The following SHISA9 variants were observed in gnomAD, a reference collection of about 807,000 sequenced individuals.
SHISA9 encodes the protein protein shisa-9.
In SHISA9, 13 loss-of-function variants were observed where a neutral mutation model predicts 38.0. The ratio of observed to expected loss-of-function variants is 0.34; its 90% CI spans 0.22 to 0.54. The LOEUF is 0.54. SHISA9 is among the 20% of genes least tolerant of loss of function. SHISA9 has a pLI of 0.91. For missense variants in SHISA9, 538 were observed against 575.8 expected, an observed-to-expected ratio of 0.93 and a Z score of 0.67; for synonymous variants, 275 against 242.0, an observed-to-expected ratio of 1.14 and a Z score of -1.27.
At chr16:13,476,831 C>T in the SHISA9 span, among the ~76,000 whole-genome samples, 1 of 144,010 alleles carries the variant, frequency 6.9e-6, no homozygotes, top group Non-Finnish European at 1.5e-5. Flanking sequence ...TCACTGCAAG[C>T]TCCGCCTCCC....
chr16:13,156,959 T>A (rs2050553140), intron 2 of SHISA9, among the ~76,000 whole-genome samples: 1 of 152,176 alleles, frequency 6.6e-6, no homozygotes, highest in African/African-American at 2.4e-5. Flanking sequence ...TTATATAGAA[T>A]GTATATAAAT....
intron 2 of SHISA9, among the ~76,000 whole-genome samples, chr16:13,038,839 A>G (rs537416243): frequency 4.6e-5 from 7 of 152,338 alleles, no homozygotes; most frequent in Middle Eastern, 3.4e-3. Context: ...GACACATAGT[A>G]GAGCCTCTAT....
chr16:13,512,329 C>G, the SHISA9 span, among the ~76,000 whole-genome samples: 12 of 152,012 alleles, frequency 7.9e-5, no homozygotes, highest in Non-Finnish European at 8.8e-5. Flanking sequence ...TCAAGGAAAA[C>G]TACAAACCAC....
the SHISA9 span, among the ~76,000 whole-genome samples, chr16:13,398,667 C>T: frequency 8.6e-5 from 13 of 152,038 alleles, no homozygotes; most frequent in East Asian, 1.4e-3. Context: ...CCTGCCACCA[C>T]GTCCGGCTAA....
At chr16:13,489,278 G>T in the SHISA9 span, among the ~76,000 whole-genome samples, 1,083 of 152,142 alleles carry the variant, frequency 7.1e-3, 15 homozygotes, top group African/African-American at 0.025. Flanking sequence ...TTGAATTCCT[G>T]ACCTCAGGTG....
chr16:13,253,216 A>G, the SHISA9 span, among the ~76,000 whole-genome samples: 1 of 152,182 alleles, frequency 6.6e-6, no homozygotes. Context: ...ATAGGCTACT[A>G]CTAGTTAAAT....
At chr16:13,062,599 T>C (rs552147193) in intron 2 of SHISA9, among the ~76,000 whole-genome samples, 21 of 152,276 alleles carry the variant, frequency 1.4e-4, no homozygotes, top group African/African-American at 5.1e-4. Flanking sequence ...TGAGTTATCA[T>C]GGTGCTTTTG....
At chr16:12,980,638 T>C (rs902765705) in intron 2 of SHISA9, among the ~76,000 whole-genome samples, 2 of 152,060 alleles carry the variant, frequency 1.3e-5, no homozygotes, top group Non-Finnish European at 2.9e-5. Context: ...CATTATTTCT[T>C]AAAATATTTA....
chr16:13,446,793 A>G, the SHISA9 span, among the ~76,000 whole-genome samples: 1 of 152,068 alleles, frequency 6.6e-6, no homozygotes, highest in Non-Finnish European at 1.5e-5. Flanking sequence ...CCTGGCCAAC[A>G]TGATGAAACC....
intron 2 of SHISA9, among the ~76,000 whole-genome samples, chr16:12,960,673 A>T (rs1291801904): frequency 6.6e-5 from 10 of 152,124 alleles, no homozygotes; most frequent in Non-Finnish European, 1.5e-4. Context: ...GGAACAGAAA[A>T]CCGCACATCA....
chr16:13,360,831 C>T, the SHISA9 span, among the ~76,000 whole-genome samples: 1 of 152,108 alleles, frequency 6.6e-6, no homozygotes, highest in East Asian at 1.9e-4. Context: ...CCGGCCTTCT[C>T]AGGGAATATT....
chr16:13,491,818 CTTTTTTTTTTTTTTTTT>C, the SHISA9 span, among the ~76,000 whole-genome samples: 25 of 44,552 alleles, frequency 5.6e-4, no homozygotes, highest in African/African-American at 9.3e-4. Context: ...ATTTATTGAC[CTTTTTTTTTTTTTTTTT>C]TTTTTTTTTT....
At chr16:13,470,914 CAGTT>C in the SHISA9 span, among the ~76,000 whole-genome samples, 1 of 151,860 alleles carries the variant, frequency 6.6e-6, no homozygotes, top group South Asian at 2.1e-4. Flanking sequence ...GACTTTAGCA[CAGTT>C]AGTTTGCTGA....
At chr16:13,458,338 C>T in the SHISA9 span, 2 of 316,438 alleles carry the variant, frequency 6.3e-6, no homozygotes, top group Non-Finnish European at 1.2e-5. Context: ...GGATGAGTCT[C>T]GTGATCACTG....
At chr16:13,453,541 A>T in the SHISA9 span, among the ~76,000 whole-genome samples, 2 of 152,194 alleles carry the variant, frequency 1.3e-5, no homozygotes, top group Non-Finnish European at 2.9e-5. Context: ...AGGATGACAG[A>T]CACATGGAAC....
At chr16:13,545,889 GAC>G in the SHISA9 span, among the ~76,000 whole-genome samples, 1 of 152,172 alleles carries the variant, frequency 6.6e-6, no homozygotes, top group African/African-American at 2.4e-5. Context: ...AGAAACATGT[GAC>G]ATAAGCTGGG....
chr16:13,269,316 C>G, the SHISA9 span, among the ~76,000 whole-genome samples: 4 of 152,324 alleles, frequency 2.6e-5, no homozygotes, highest in East Asian at 5.8e-4. Context: ...TGCTACTCAA[C>G]CTCTCTGAGC....
At chr16:13,559,609 C>A in the SHISA9 span, among the ~76,000 whole-genome samples, 2 of 152,080 alleles carry the variant, frequency 1.3e-5, no homozygotes, top group African/African-American at 4.8e-5. Flanking sequence ...TCTTAAACTC[C>A]TCATCTCAAG....
chr16:13,451,166 C>T, the SHISA9 span, among the ~76,000 whole-genome samples: 6 of 152,136 alleles, frequency 3.9e-5, no homozygotes, highest in African/African-American at 1.2e-4. Flanking sequence ...AGTGGTGGTA[C>T]GTCTGAGGTG....
Sources: allele counts gnomAD v4.1 joint callset (sites outside exome capture counted in the v4.1 genomes callset), GRCh38; gene constraint gnomAD v4.1.1; transcripts MANE v1.5; gene names NCBI Gene and HGNC (gene_info 2026-07-23, HGNC 2026-07-21).